DPY19L3: variants seen among roughly 807,000 people sequenced by gnomAD.
The protein encoded by DPY19L3 is dpy-19 like C-mannosyltransferase 3.
In DPY19L3, 51 loss-of-function variants were observed where a neutral mutation model predicts 92.3. The ratio of observed to expected loss-of-function variants is 0.55; its 90% CI spans 0.44 to 0.70. DPY19L3 has a LOEUF of 0.70. Ranked by LOEUF, DPY19L3 falls within the 30% of genes least tolerant of loss-of-function variation. DPY19L3 has a pLI of 0.00. For synonymous variants in DPY19L3, 309 were observed against 315.2 expected, an observed-to-expected ratio of 0.98 and a Z score of 0.21; for missense variants, 706 against 855.9, an observed-to-expected ratio of 0.82 and a Z score of 2.18.
At chr19:32,412,422 CCTTTT>C (rs1207472665) in intron 3 of DPY19L3, 3 of 147,382 alleles carry the variant, frequency 2.0e-5, no homozygotes, top group South Asian at 2.1e-4. Context: ...CAAGGTACTT[CCTTTT>C]CTTTTTTTTC....
chr19:32,452,238 C>T (rs554494072), intron 8 of DPY19L3, among the ~76,000 whole-genome samples: 2 of 152,218 alleles, frequency 1.3e-5, no homozygotes, highest in African/African-American at 2.4e-5. Flanking sequence ...GGTCACATAG[C>T]TGGTTTGCAC....
intron 10 of DPY19L3, 70 bp downstream of exon 10, chr19:32,455,110 A>C (rs887363655): frequency 3.7e-6 from 4 of 1,075,688 alleles, no homozygotes; most frequent in South Asian, 1.6e-5. Context: ...AATTTTTGAA[A>C]CTTTCTTTTT....
At position 32,439,923 on chromosome 19, in the gene DPY19L3, T is replaced by C. The variant is rs768044458; in HGVS notation, c.855+13T>C. The C allele has an allele frequency of 1.4e-5, 23 of 1,610,714 alleles. No homozygotes were observed. Among genetic ancestry groups the C allele is most frequent in the Non-Finnish European group, 1.9e-5 (22 of 1,179,022 alleles). On this transcript the variant is annotated intron_variant, in intron 8 of 18. Coordinates refer to ENST00000392250, the MANE Select transcript of DPY19L3 (RefSeq NM_001172774.2). ...GCCAGCAGTGAAGGTGAGCTTTGCT[T>C]TCTTTTCTCACTTGAGATTTTGGCC...
Position 32,468,750 on chromosome 19 carries a change from A to C in DPY19L3, c.1634A>C (p.Asp545Ala). Residue 545 changes from aspartate (D) to alanine (A), a missense_variant, in exon 16 of 19, where the codon GAT becomes GCT. By Grantham distance (126) the Asp-to-Ala change is moderately radical (BLOSUM62 -2). Transcript: ENST00000392250. The stretch of plus-strand genomic sequence containing the variant: ...TTTCAGTTCTGGCCAGGAATGATGG[A>C]TGAACTCTCCGAGTTGAGAGAATTC... ...LCYKFWPGMM[D>A]ELSELREFYD... 6.2e-7 allele frequency: 1 copy of C among 1,613,920 alleles called. No homozygotes were observed. The highest frequency in any genetic ancestry group is 8.5e-7 in the Non-Finnish European group (1 of 1,179,914).
At chr19:32,468,569 T>G in intron 15 of DPY19L3, 162 bp from the exon 16 acceptor site, 3 of 1,314,212 alleles carry the variant, frequency 2.3e-6, no homozygotes. Flanking sequence ...TTCCCTTGTA[T>G]TAGGAGGGTT....
Position 32,484,364 on chromosome 19 carries a change from C to T in DPY19L3, c.*2124C>T, listed in dbSNP as rs80199352. 0.03 allele frequency: 4,640 copies of T among 152,370 alleles called. 107 individuals carry two copies. The highest frequency in any genetic ancestry group is 0.054 in the Middle Eastern group (16 of 294). The allele number at this position is 152,370 out of a possible 1,614,324, so 9.4% of individuals were successfully genotyped here. A position where few individuals can be genotyped will look rare whatever the true frequency, so the allele number is the denominator to read the frequency against. On this transcript the variant is annotated 3_prime_UTR_variant, in exon 19 of 19. Coordinates refer to ENST00000392250, the MANE Select transcript of DPY19L3 (RefSeq NM_001172774.2). The stretch of plus-strand genomic sequence containing the variant: ...CCAATGTGACCTTCTCATTGGAGTA[C>T]ACAGAAGGAAAGCAAAGAAGAGCAT...
intron 16 of DPY19L3, among the ~76,000 whole-genome samples, chr19:32,469,281 G>A (rs548988954): frequency 1.8e-4 from 28 of 152,210 alleles, no homozygotes; most frequent in African/African-American, 6.5e-4. Context: ...CTGATCACCC[G>A]AGGTCAGGAG....
Position 32,449,642 on chromosome 19 carries a change from A to G in DPY19L3, c.856-3503A>G, listed in dbSNP as rs188319516. ...ACAAGAAATGGTCAATTAATTTTCA[A>G]CAAGGGTGTGAAGATAACTAAATGG... On this transcript the variant is annotated intron_variant, in intron 8 of 18. Coordinates refer to ENST00000392250, the MANE Select transcript of DPY19L3 (RefSeq NM_001172774.2). Among the ~76,000 whole-genome samples the G allele has an allele frequency of 3.9e-5, 6 of 152,332 alleles. No individual in the cohort carries two copies. The East Asian group carries it at 7.7e-4, about 20-fold the overall frequency.
intron 3 of DPY19L3, among the ~76,000 whole-genome samples, chr19:32,425,270 G>C (rs1393435442): frequency 6.6e-6 from 1 of 152,166 alleles, no homozygotes; most frequent in East Asian, 1.9e-4. Flanking sequence ...TACACCATCA[G>C]ACCAGGTGCT....
At chr19:32,407,508 G>A (rs1307131131) in intron 1 of DPY19L3, among the ~76,000 whole-genome samples, 5 of 152,148 alleles carry the variant, frequency 3.3e-5, no homozygotes, top group Non-Finnish European at 7.3e-5. Context: ...AGGTACTGAA[G>A]ACCTACTACC....
Position 32,485,054 on chromosome 19 carries a change from G to A in DPY19L3, c.*2814G>A, listed in dbSNP as rs1970763813. 6.6e-6 allele frequency: 1 copy of A among 152,172 alleles called. No individual in the cohort carries two copies. Among genetic ancestry groups the A allele is most frequent in the Non-Finnish European group, 1.5e-5 (1 of 68,034 alleles). The allele number at this position is 152,172 out of a possible 1,614,324, so 9.4% of individuals were successfully genotyped here. ...AAATCATGTTATTGGTGTGATTTAT[G>A]TGAGAAGTAGAACTGTAGTCATTGG... On this transcript the variant is annotated 3_prime_UTR_variant, in exon 19 of 19. Transcript: ENST00000392250.
chr19:32,468,645 G>GT, intron 15 of DPY19L3, 86 bp from the exon 16 acceptor site: 1 of 1,556,062 alleles, frequency 6.4e-7, no homozygotes, highest in Admixed American at 2.0e-5. Context: ...ATTATATGCA[G>GT]TTTATCTTTT....
intron 8 of DPY19L3, among the ~76,000 whole-genome samples, chr19:32,445,798 C>T (rs944990920): frequency 1.3e-5 from 2 of 152,006 alleles, no homozygotes; most frequent in African/African-American, 2.4e-5. Flanking sequence ...GTTAGGAGTT[C>T]GAGACCAGCC....
chr19:32,464,941 G>T (rs1970157271), intron 15 of DPY19L3, among the ~76,000 whole-genome samples, 157 bp downstream of exon 15: 1 of 152,162 alleles, frequency 6.6e-6, no homozygotes, highest in Non-Finnish European at 1.5e-5. Flanking sequence ...ATGGGAAAAT[G>T]GATCTTTTTC....
intron 6 of DPY19L3, 78 bp from the exon 7 acceptor site, chr19:32,439,033 AT>A (rs1216107952): frequency 9.4e-6 from 14 of 1,493,788 alleles, no homozygotes; most frequent in Non-Finnish European, 1.3e-5. Context: ...TTAATGTAAT[AT>A]ATCTTTCGTT....
At chr19:32,458,630 G>A (rs1568351250) in intron 12 of DPY19L3, 121 bp downstream of exon 12, 1 of 1,031,290 alleles carries the variant, frequency 9.7e-7, no homozygotes, top group East Asian at 2.4e-5. Context: ...CTTAAAGGGG[G>A]AACATACCTC....
In DPY19L3 at chr19:32,461,904, G is replaced by T. The variant is rs140798055; in HGVS notation, c.1323-1462G>T. Among the ~76,000 whole-genome samples the T allele has an allele frequency of 2.6e-5, 4 of 152,216 alleles. No individual in the cohort carries two copies. The South Asian group carries it at 8.3e-4, about 32-fold the overall frequency. On this transcript the variant is annotated intron_variant, in intron 12 of 18. Coordinates refer to ENST00000392250, the MANE Select transcript of DPY19L3 (RefSeq NM_001172774.2). ...GACAGCCAGGCAGTGTGTGCTTCCC[G>T]GTGTAATGTGATGTGGAATAGAGCC...
chr19:32,414,036 T>C (rs566950315), intron 3 of DPY19L3, among the ~76,000 whole-genome samples: 12 of 152,100 alleles, frequency 7.9e-5, no homozygotes, highest in African/African-American at 2.7e-4. Context: ...CTCTTTAAAA[T>C]GGAGTGCTGG....
chr19:32,439,272 C>T (rs1969248816), intron 7 of DPY19L3, 37 bp downstream of exon 7: 8 of 1,587,956 alleles, frequency 5.0e-6, no homozygotes, highest in Non-Finnish European at 6.9e-6. Context: ...TTTAATCCCC[C>T]AATTTTATAT....
Sources: allele counts gnomAD v4.1 joint callset (sites outside exome capture counted in the v4.1 genomes callset), GRCh38; gene constraint gnomAD v4.1.1; transcripts MANE v1.5; gene names NCBI Gene and HGNC (gene_info 2026-07-23, HGNC 2026-07-21).